The following ICA1 variants were observed in gnomAD, a reference collection of about 807,000 sequenced individuals.
ICA1 encodes the protein 69 kDa islet cell autoantigen.
A neutral mutation model predicts 71.0 loss-of-function variants in ICA1; 40 were observed. The observed-to-expected ratio is 0.56, with a 90% CI of 0.44 to 0.73. The LOEUF is 0.73. ICA1 is among the 30% of genes least tolerant of loss of function. The probability of loss-of-function intolerance (pLI) is 0.00; values close to 1 mark genes in which losing one functional copy is unlikely to be tolerated. For missense variants in ICA1, 578 were observed against 576.5 expected (o/e 1.00, Z -0.03); for synonymous variants, 207 against 209.5 (o/e 0.99, Z 0.10).
chr7:8,228,689 A>G lies in ICA1; in HGVS notation c.184-16T>C. 2 of 1,554,390 alleles carry G rather than the reference A, an allele frequency of 1.3e-6. No homozygotes were observed. Among genetic ancestry groups the G allele is most frequent in the Non-Finnish European group, 8.8e-7 (1 of 1,134,922 alleles). On this transcript the variant is annotated splice_polypyrimidine_tract_variant and intron_variant, in intron 3 of 13. Coordinates refer to ENST00000402384, the MANE Select transcript of ICA1 (RefSeq NM_001136020.3). ...AATGAAACAGCTGTAATAAAAATAC[A>G]AACAAAATGCAAAATAAAACAGACA...
At chr7:8,218,274 C>T in intron 6 of ICA1, 31 bp downstream of exon 6, 4 of 1,587,118 alleles carry the variant, frequency 2.5e-6, no homozygotes, top group Non-Finnish European at 3.5e-6. Context: ...CAGCAGGTAC[C>T]CCTTCTGCTA....
intron 1 of ICA1, among the ~76,000 whole-genome samples, chr7:8,246,841 G>A (rs1396168721): frequency 6.6e-6 from 1 of 152,152 alleles, no homozygotes; most frequent in South Asian, 2.1e-4. Flanking sequence ...CTGCCTCCTG[G>A]GTTCAAGCGA....
chr7:8,196,417 C>T (rs1351362588), intron 6 of ICA1, among the ~76,000 whole-genome samples: 2 of 152,182 alleles, frequency 1.3e-5, no homozygotes, highest in Non-Finnish European at 2.9e-5. Context: ...CCATATGCTA[C>T]TAGAATGGTG....
chr7:8,128,541 G>A (rs1440390876), intron 12 of ICA1, among the ~76,000 whole-genome samples: 2 of 152,168 alleles, frequency 1.3e-5, no homozygotes, highest in African/African-American at 4.8e-5. Flanking sequence ...CATTGCCTGG[G>A]CTGGAACAGC....
Position 8,113,886 on chromosome 7 carries a change from G to C in ICA1, c.*37C>G, listed in dbSNP as rs1029742975. The C allele has an allele frequency of 6.2e-7, 1 of 1,612,778 alleles. No homozygotes were observed. Among genetic ancestry groups the C allele is most frequent in the South Asian group, 1.1e-5 (1 of 90,984 alleles). On this transcript the variant is annotated 3_prime_UTR_variant, in exon 14 of 14. Coordinates refer to ENST00000402384, the MANE Select transcript of ICA1 (RefSeq NM_001136020.3). The surrounding 1 kb of genome is among the most constrained non-coding windows in gnomAD (Gnocchi z 4.2). ...CTGCTAGCCCCCAGGGGAGCTGCTG[G>C]GGGCGGCATGTGAGTGCCCTCCCGA...
intron 7 of ICA1, 94 bp from the exon 8 acceptor site, chr7:8,157,308 T>C: frequency 8.5e-7 from 1 of 1,183,346 alleles, no homozygotes; most frequent in Non-Finnish European, 1.2e-6. Context: ...CTTTGAAGAT[T>C]CTTTAAAGCA....
intron 6 of ICA1, among the ~76,000 whole-genome samples, chr7:8,216,961 T>C (rs1237822517): frequency 2.6e-5 from 4 of 152,220 alleles, no homozygotes; most frequent in African/African-American, 9.6e-5. Context: ...TCCTCAACCC[T>C]CAAATAAAGT....
chr7:8,211,542 A>AG (rs5882158), intron 6 of ICA1, among the ~76,000 whole-genome samples: 150,334 of 152,290 alleles, frequency 0.99, 74,208 homozygotes, highest in East Asian at 1. Flanking sequence ...GGGAGGAATG[A>AG]GTGGTTTACA....
intron 1 of ICA1, among the ~76,000 whole-genome samples, chr7:8,244,346 G>C (rs1440930025): frequency 6.6e-6 from 1 of 152,128 alleles, no homozygotes; most frequent in Admixed American, 6.6e-5. Flanking sequence ...GGGAAAACTG[G>C]CTAGCTATAT....
intron 3 of ICA1, among the ~76,000 whole-genome samples, chr7:8,232,036 T>C (rs923932782): frequency 4.6e-5 from 7 of 152,218 alleles, no homozygotes; most frequent in East Asian, 3.8e-4. Flanking sequence ...ATCTAAACTA[T>C]TGGCAGAAAT....
chr7:8,117,265 T>C (rs892537173), intron 13 of ICA1, among the ~76,000 whole-genome samples: 1 of 152,186 alleles, frequency 6.6e-6, no homozygotes, highest in East Asian at 1.9e-4. Context: ...TTCTTTATAT[T>C]AATAGCAGTG....
At chr7:8,149,777 A>G (rs1798183947) in intron 8 of ICA1, among the ~76,000 whole-genome samples, 1 of 152,236 alleles carries the variant, frequency 6.6e-6, no homozygotes, top group Admixed American at 6.5e-5. Context: ...GTAATTGTCT[A>G]TAAAAAAAAT....
intron 1 of ICA1, among the ~76,000 whole-genome samples, chr7:8,251,348 A>T (rs1374717183): frequency 6.6e-6 from 1 of 151,268 alleles, no homozygotes; most frequent in East Asian, 1.9e-4. Flanking sequence ...ATGCTCCTTG[A>T]TATAAATAAA....
chr7:8,220,103 T>A lies in ICA1; in HGVS notation c.380+1172A>T, dbSNP rs769627637. 5.9e-5 allele frequency among the ~76,000 whole-genome samples: 9 copies of A among 152,242 alleles called. 1 individual carries two copies. Among genetic ancestry groups the A allele is most frequent in the Non-Finnish European group, 1.2e-4 (8 of 68,050 alleles). ...TATTTTAAAATTTTTCTAGAATGAA[T>A]ATGTATTTTTACATAGAAAAATTAT... On this transcript the variant is annotated intron_variant, in intron 5 of 13. Transcript: ENST00000402384.
intron 1 of ICA1, among the ~76,000 whole-genome samples, chr7:8,260,743 A>T (rs974321875): frequency 2.0e-5 from 3 of 152,254 alleles, no homozygotes; most frequent in Admixed American, 1.3e-4. Flanking sequence ...CTGAAATCTA[A>T]AAATATATCT....
intron 7 of ICA1, chr7:8,158,203 C>A: frequency 3.8e-6 from 1 of 261,114 alleles, no homozygotes; most frequent in Non-Finnish European, 7.3e-6. Context: ...AGGAGGCTTA[C>A]TGAAAAAGGC....
chr7:8,135,588 G>C (rs548876471), intron 12 of ICA1, among the ~76,000 whole-genome samples: 2 of 152,184 alleles, frequency 1.3e-5, no homozygotes, highest in African/African-American at 4.8e-5. Context: ...ACAATTCTGA[G>C]TGACTCAGGA....
chr7:8,143,302 T>A (rs1217560488), intron 9 of ICA1, among the ~76,000 whole-genome samples: 1 of 152,346 alleles, frequency 6.6e-6, no homozygotes, highest in East Asian at 1.9e-4. Context: ...TAAAGGGGCA[T>A]GAAATGGAGA....
chr7:8,135,017 CTTTATAGAATTTTTTTTATTTTT>C (rs759415363), intron 12 of ICA1, among the ~76,000 whole-genome samples: 9 of 108,536 alleles, frequency 8.3e-5, no homozygotes, highest in Non-Finnish European at 1.3e-4. Context: ...TTTATAGACT[CTTTATAGAATTTTTTTTATTTTT>C]TTTTGAGACA....
Sources: gnomAD v4.1 joint callset for allele counts (sites outside exome capture counted in the v4.1 genomes callset) on GRCh38, gnomAD v4.1.1 for gene constraint, Gnocchi (gnomAD v3.1) non-coding constraint, MANE v1.5 for transcripts, NCBI Gene and HGNC (gene_info 2026-07-23, HGNC 2026-07-21) for gene names.